The following DPP8 variants were observed in gnomAD, a reference collection of about 807,000 sequenced individuals.
DPP8 encodes dipeptidyl peptidase 8.
DPP8 carries 31 observed loss-of-function variants against 107.5 expected under a neutral mutation model. That is an observed-to-expected ratio of 0.29 (90% CI 0.22 to 0.39). DPP8 has a LOEUF of 0.39. Among genes scored for constraint, DPP8 ranks in the 10% least tolerant of loss-of-function variants. The pLI, the probability that DPP8 is intolerant of heterozygous loss-of-function variation, is 1.00. For missense variants in DPP8, 842 were observed against 1,076.1 expected, an observed-to-expected ratio of 0.78 and a Z score of 3.04; for synonymous variants, 381 against 356.6, an observed-to-expected ratio of 1.07 and a Z score of -0.77.
At chr15:65,450,020 T>TGG in intron 19 of DPP8, among the ~76,000 whole-genome samples, 2 of 94,968 alleles carry the variant, frequency 2.1e-5, no homozygotes, top group Middle Eastern at 0.01. Context: ...CAGGCTGGAG[T>TGG]GCAATAGCGC....
intron 2 of DPP8, among the ~76,000 whole-genome samples, chr15:65,507,579 T>C (rs988763482): frequency 2.6e-5 from 4 of 151,252 alleles, no homozygotes; most frequent in African/African-American, 7.3e-5. Context: ...TCCCAGCTAC[T>C]TGGGAGGCTA....
rs531381288 is a variant in DPP8, at chr15:65,515,710, A to G, written c.-12+1776T>C. ...TTCCACATTCAAAGAGATCTTTTTC[A>G]AGTGACTCGACTTCAAGCATAGAAT... On this transcript the variant is annotated intron_variant, in intron 1 of 19. Transcript: ENST00000300141. 4.7e-5 allele frequency: 76 copies of G among 1,612,938 alleles called. 2 individuals are homozygous for G. In the South Asian group the frequency reaches 8.1e-4, roughly 17 times the overall value.
chr15:65,481,715 T>A (rs1317324778), intron 8 of DPP8, 100 bp from the exon 9 acceptor site: 2 of 704,942 alleles, frequency 2.8e-6, no homozygotes. Flanking sequence ...GCAGAAAATT[T>A]TTCCAGAGTT....
At chr15:65,506,300 G>A (rs530863714) in intron 3 of DPP8, among the ~76,000 whole-genome samples, 1 of 152,058 alleles carries the variant, frequency 6.6e-6, no homozygotes, top group African/African-American at 2.4e-5. Flanking sequence ...TTGAACTCCA[G>A]CCTGGGCAAG....
intron 1 of DPP8, among the ~76,000 whole-genome samples, chr15:65,515,471 A>G (rs1021601298): frequency 3.3e-5 from 5 of 152,188 alleles, no homozygotes; most frequent in African/African-American, 1.2e-4. Flanking sequence ...TAATATTGGT[A>G]ATCTGTGCAG....
chr15:65,489,985 CT>C (rs1243894158), intron 6 of DPP8, among the ~76,000 whole-genome samples: 1 of 152,202 alleles, frequency 6.6e-6, no homozygotes, highest in Non-Finnish European at 1.5e-5. Context: ...TCCCAAAGTG[CT>C]GGGATTACAG....
At chr15:65,494,097 A>G (rs1567247954) in intron 5 of DPP8, among the ~76,000 whole-genome samples, 1 of 151,648 alleles carries the variant, frequency 6.6e-6, no homozygotes, top group Non-Finnish European at 1.5e-5. Flanking sequence ...AACCTGCTCA[A>G]GGCCACACAG....
chr15:65,500,118 T>TA lies in DPP8; in HGVS notation c.546+487dup, dbSNP rs530653827. Among the ~76,000 whole-genome samples the TA allele has an allele frequency of 9.2e-5, 14 of 151,950 alleles. No homozygotes were observed. In the East Asian group the frequency reaches 2.3e-3, roughly 25 times the overall value. ...GGTCTCTCTCTGTTGCCTGAGCTGG[T>TA]AAAAAAATTATCTCCTAAGGCTGGG... On this transcript the variant is annotated intron_variant, in intron 4 of 19. Coordinates refer to ENST00000300141, the MANE Select transcript of DPP8 (RefSeq NM_130434.5).
intron 2 of DPP8, 60 bp downstream of exon 2, chr15:65,512,235 T>C (rs2070882474): frequency 2.0e-6 from 3 of 1,515,042 alleles, no homozygotes; most frequent in East Asian, 2.3e-5. Context: ...CAATTATACC[T>C]AGACTTTAAG....
At chr15:65,487,235 T>C (rs2140862293) in intron 7 of DPP8, among the ~76,000 whole-genome samples, 1 of 152,174 alleles carries the variant, frequency 6.6e-6, no homozygotes, top group South Asian at 2.1e-4. Context: ...CTACAACCTC[T>C]GCCTCTTGGG....
chr15:65,494,824 T>C (rs1036829560), intron 5 of DPP8, among the ~76,000 whole-genome samples: 7 of 152,212 alleles, frequency 4.6e-5, no homozygotes, highest in African/African-American at 1.4e-4. Flanking sequence ...TTTTCCTTAC[T>C]CCATCCCCTT....
At chr15:65,466,617 CGT>C in intron 14 of DPP8, 59 bp downstream of exon 14, 1 of 1,431,926 alleles carries the variant, frequency 7.0e-7, no homozygotes, top group Non-Finnish European at 9.8e-7. Context: ...ATATGACACA[CGT>C]TTAGTGTACT....
intron 3 of DPP8, among the ~76,000 whole-genome samples, chr15:65,505,923 C>T (rs2069911919): frequency 7.3e-6 from 1 of 137,244 alleles, no homozygotes; most frequent in South Asian, 2.2e-4. Context: ...GCGCTCCAGC[C>T]TGGGTTGCAG....
At chr15:65,495,077 C>T (rs2068447544) in intron 5 of DPP8, among the ~76,000 whole-genome samples, 2 of 152,146 alleles carry the variant, frequency 1.3e-5, no homozygotes, top group Admixed American at 1.3e-4. Context: ...CTTGTCCTGG[C>T]CCTTATCTGC....
Position 65,470,078 on chromosome 15 carries a change from T to C in DPP8, c.1537-2855A>G, listed in dbSNP as rs78187849. On this transcript the variant is annotated intron_variant, in intron 12 of 19. Coordinates refer to ENST00000300141, the MANE Select transcript of DPP8 (RefSeq NM_130434.5). ...TGGGCATGGTGATGGGCACCTGTAA[T>C]ACCAGCGACTCGAGACTTAAGCAGG... is the stretch of plus-strand genomic sequence containing the variant. Among the ~76,000 whole-genome samples, 1,409 of 147,724 alleles carry C rather than the reference T, an allele frequency of 9.5e-3. 23 individuals carry two copies. Among genetic ancestry groups the C allele is most frequent in the African/African-American group, 0.033 (1,328 of 39,956 alleles).
In DPP8 at chr15:65,463,744, T is replaced by A; in HGVS notation, c.1971+17A>T. The A allele has an allele frequency of 6.3e-7, 1 of 1,594,802 alleles. No homozygotes were observed. The highest frequency in any genetic ancestry group is 1.1e-5 in the South Asian group (1 of 90,450). On this transcript the variant is annotated intron_variant, in intron 15 of 19. Coordinates refer to ENST00000300141, the MANE Select transcript of DPP8 (RefSeq NM_130434.5). ...ATGCATATGGGTGTATGTATATATG[T>A]ATATAAATATGCCCACCTGAGGACC... is the stretch of plus-strand genomic sequence containing the variant.
At position 65,443,575 on chromosome 15, in the gene DPP8, T is replaced by G. The variant is rs1344641327; in HGVS notation, c.*3309A>C. 6.6e-6 allele frequency: 1 copy of G among 152,080 alleles called. No homozygotes were observed. Among genetic ancestry groups the G allele is most frequent in the Non-Finnish European group, 1.5e-5 (1 of 68,038 alleles). The allele number at this position is 152,080 out of a possible 1,614,324, so 9.4% of individuals were successfully genotyped here. A position where few individuals can be genotyped will look rare whatever the true frequency, so the allele number is the denominator to read the frequency against. ...TGCATTGTGACCTAATCCTCTTGTA[T>G]GAGGCTTTGGAAAAGAACCAGGAAT... On this transcript the variant is annotated 3_prime_UTR_variant, in exon 20 of 20. Coordinates refer to ENST00000300141, the MANE Select transcript of DPP8 (RefSeq NM_130434.5).
chr15:65,487,721 C>T lies in DPP8; in HGVS notation c.924G>A (p.Arg308=). 1 of 1,609,962 alleles carries T rather than the reference C, an allele frequency of 6.2e-7. No homozygotes were observed. The highest frequency in any genetic ancestry group is 8.5e-7 in the Non-Finnish European group (1 of 1,177,850). The change falls in exon 7 of 20, where the codon AGG becomes AGA. Residue 308 remains arginine (R), a synonymous_variant. Transcript: ENST00000300141. ...IHVTSPMLET[R]RADSFRYPKT... Reference sequence around the variant, plus strand: ...TAGGATAACGGAATGAATCTGCCCTCCTTGTTTCCAACATAGGGGATGTAA... The same window carrying T: ...TAGGATAACGGAATGAATCTGCCCTTCTTGTTTCCAACATAGGGGATGTAA...
intron 12 of DPP8, 103 bp downstream of exon 12, chr15:65,474,106 G>T: frequency 1.2e-6 from 1 of 858,242 alleles, no homozygotes; most frequent in Non-Finnish European, 1.9e-6. Context: ...CTCTGTCTCG[G>T]AAAAAAAAAT....
Sources: allele counts gnomAD v4.1 joint callset (sites outside exome capture counted in the v4.1 genomes callset), GRCh38; gene constraint gnomAD v4.1.1; transcripts MANE v1.5; gene names NCBI Gene and HGNC (gene_info 2026-07-23, HGNC 2026-07-21).